Variants in ZBTB25 observed in about 807,000 individuals in gnomAD.
ZBTB25 encodes zinc finger and BTB domain containing 25.
In ZBTB25, 20 loss-of-function variants were observed where a neutral mutation model predicts 34.2. The observed-to-expected ratio is 0.58, with a 90% CI of 0.41 to 0.85. The LOEUF (loss-of-function observed/expected upper bound fraction) is 0.85, where lower values mean the gene tolerates loss of function less well. ZBTB25 is among the 40% of genes least tolerant of loss of function. The probability of loss-of-function intolerance (pLI) is 0.00; values close to 1 mark genes in which losing one functional copy is unlikely to be tolerated. For missense variants in ZBTB25, 437 were observed against 521.8 expected, an observed-to-expected ratio of 0.84 and a Z score of 1.58; for synonymous variants, 175 against 186.4, an observed-to-expected ratio of 0.94 and a Z score of 0.50.
intron 1 of ZBTB25, chr14:64,503,291 G>A (rs2079558860): frequency 4.1e-6 from 4 of 985,342 alleles, no homozygotes; most frequent in Admixed American, 6.1e-5. Context: ...CCGCTCGTAA[G>A]AGGGGTCGGC....
chr14:64,470,817 G>C (rs1458582373), intron 2 of ZBTB25: 2 of 166,906 alleles, frequency 1.2e-5, no homozygotes, highest in African/African-American at 4.8e-5. Flanking sequence ...CCAGGAGAAG[G>C]GAAAATTCCC....
intron 2 of ZBTB25, chr14:64,463,324 C>T (rs2078575445): frequency 6.6e-6 from 1 of 151,476 alleles, no homozygotes; most frequent in Admixed American, 6.6e-5. Context: ...ATTTATAGTA[C>T]TATACTCTGT....
chr14:64,495,484 T>C (rs989606912), intron 1 of ZBTB25, among the ~76,000 whole-genome samples: 2 of 152,230 alleles, frequency 1.3e-5, no homozygotes, highest in African/African-American at 2.4e-5. Context: ...TGTCCTCTTT[T>C]CTTCAAGAGA....
Position 64,487,548 on chromosome 14 carries a change from G to A in ZBTB25, c.683C>T (p.Pro228Leu). ...TTTGACACTGTTTTCAGTAAAAGTGGGGCCTGTCACCTCTGATGAGGGTGA... is the reference window on the plus strand; with the variant it reads ...TTTGACACTGTTTTCAGTAAAAGTGAGGCCTGTCACCTCTGATGAGGGTGA... Reference protein sequence around the residue: ...HPSPSSEVTGPTFTENSVKIH... With the variant: ...HPSPSSEVTGLTFTENSVKIH... The change falls in exon 3 of 3, where the codon CCC becomes CTC. Residue 228 changes from proline (P) to leucine (L), a missense_variant. Pro to Leu is a moderately conservative substitution (Grantham distance 98). Coordinates refer to ENST00000608382, the MANE Select transcript of ZBTB25 (RefSeq NM_006977.5). 6.2e-7 allele frequency: 1 copy of A among 1,610,850 alleles called. No homozygotes were observed. Among genetic ancestry groups the A allele is most frequent in the African/African-American group, 1.3e-5 (1 of 74,950 alleles).
At chr14:64,458,987 G>C (rs528827712) in intron 2 of ZBTB25, among the ~76,000 whole-genome samples, 1 of 152,116 alleles carries the variant, frequency 6.6e-6, no homozygotes, top group South Asian at 2.1e-4. Flanking sequence ...TTTCTCCAGA[G>C]ACGAAAAAAG....
rs561592876 is a variant in ZBTB25 at position 64,478,459 on chromosome 14, A to C, written c.*8464T>G. ...TTGTGGATGTACAAAAAATGAACAA[A>C]AGGCAAGAAAGGAGCAAGGGAGCGT... On this transcript the variant is annotated 3_prime_UTR_variant, in exon 3 of 3. Transcript: ENST00000608382. 2.0e-5 allele frequency: 3 copies of C among 152,356 alleles called. No individual in the cohort carries two copies. The highest frequency in any genetic ancestry group is 4.8e-5 in the African/African-American group (2 of 41,584). The allele number at this position is 152,356 out of a possible 1,614,324, so 9.4% of individuals were successfully genotyped here.
At chr14:64,476,557 G>T (rs1296245742), downstream of ZBTB25, among the ~76,000 whole-genome samples, 1 of 152,200 alleles carries the variant, frequency 6.6e-6, no homozygotes, top group Non-Finnish European at 1.5e-5. Context: ...ACCTGACCTT[G>T]TGATTCACCT....
At chr14:64,490,208 C>CAAAAAA (rs61367816) in intron 2 of ZBTB25, among the ~76,000 whole-genome samples, 153 bp downstream of exon 2, 1 of 90,930 alleles carries the variant, frequency 1.1e-5, no homozygotes. Context: ...ACTCTGTCGC[C>CAAAAAA]AAAAAAAAAA....
intron 1 of ZBTB25, 33 bp from the exon 2 acceptor site, chr14:64,490,573 TG>T (rs754194211): frequency 6.4e-7 from 1 of 1,556,922 alleles, no homozygotes; most frequent in South Asian, 1.2e-5. Flanking sequence ...TGTAGATAGG[TG>T]TGTATGTATA....
At chr14:64,488,473 T>G (rs563390265) in intron 2 of ZBTB25, among the ~76,000 whole-genome samples, 2 of 152,310 alleles carry the variant, frequency 1.3e-5, no homozygotes, top group East Asian at 3.9e-4. Flanking sequence ...ATGCCAATGT[T>G]CACTGCAACA....
At chr14:64,463,927 T>G (rs2140999427) in intron 2 of ZBTB25, among the ~76,000 whole-genome samples, 1 of 152,344 alleles carries the variant, frequency 6.6e-6, no homozygotes, top group Middle Eastern at 3.4e-3. Context: ...CATAATGGAT[T>G]TCTTTTGGCT....
At chr14:64,476,515 G>C (rs2141009817), downstream of ZBTB25, among the ~76,000 whole-genome samples, 1 of 152,212 alleles carries the variant, frequency 6.6e-6, no homozygotes, top group African/African-American at 2.4e-5. Flanking sequence ...GAAAGACGGG[G>C]TTTCACCATG....
At chr14:64,468,953 T>C (rs2078639406) in intron 2 of ZBTB25, 1 of 1,614,216 alleles carries the variant, frequency 6.2e-7, no homozygotes. Flanking sequence ...TGAAGGCATC[T>C]CACGGAAAGA....
At chr14:64,490,585 T>C (rs566208239) in intron 1 of ZBTB25, 45 bp from the exon 2 acceptor site, 39 of 1,445,306 alleles carry the variant, frequency 2.7e-5, no homozygotes, top group African/African-American at 7.1e-5. Context: ...TGTATGTATA[T>C]ACGCATTATT....
chr14:64,503,945 G>C (rs970821332), upstream of ZBTB25: 1 of 152,192 alleles, frequency 6.6e-6, no homozygotes, highest in Non-Finnish European at 1.5e-5. Flanking sequence ...TCTGAGTGCC[G>C]CCGCCACAGT....
Position 64,480,391 on chromosome 14 carries a change from C to A in ZBTB25, c.*6532G>T. On this transcript the variant is annotated 3_prime_UTR_variant, in exon 3 of 3. Coordinates refer to ENST00000608382, the MANE Select transcript of ZBTB25 (RefSeq NM_006977.5). Reference sequence around the variant, plus strand: ...CTTCTGGGAAATGACGAAATACTACCTTTCTTTCCAGAGACAGCAGTTGGA... The same window carrying A: ...CTTCTGGGAAATGACGAAATACTACATTTCTTTCCAGAGACAGCAGTTGGA... 2.6e-6 allele frequency: 1 copy of A among 388,292 alleles called. No individual in the cohort carries two copies. Among genetic ancestry groups the A allele is most frequent in the Non-Finnish European group, 4.9e-6 (1 of 202,184 alleles). 24.1% of individuals were successfully genotyped at this position (388,292 alleles called of 1,614,324 possible). A position where few individuals can be genotyped will look rare whatever the true frequency, so the allele number is the denominator to read the frequency against.
intron 2 of ZBTB25, chr14:64,468,742 T>A: frequency 6.2e-7 from 1 of 1,614,166 alleles, no homozygotes; most frequent in Non-Finnish European, 8.5e-7. Context: ...ATGCTGATCT[T>A]TCTAAGAAAA....
chr14:64,479,710 CTTCTTGAGTTTCAAGCCTGCCAGCTT>C lies in ZBTB25; in HGVS notation c.*7187_*7212del, dbSNP rs1220259180. The stretch of plus-strand genomic sequence containing the variant: ...TTGGACCCAAATGGAAACATCAGCT[CTTCTTGAGTTTCAAGCCTGCCAGCTT>C]TTGGACTGGAACTTATGCCATAAGC... On this transcript the variant is annotated 3_prime_UTR_variant, in exon 3 of 3. Transcript: ENST00000608382. 12 of 152,310 alleles carry C rather than the reference CTTCTTGAGTTTCAAGCCTGCCAGCTT, an allele frequency of 7.9e-5. No homozygotes were observed. The highest frequency in any genetic ancestry group is 2.9e-4 in the African/African-American group (12 of 41,562). 9.4% of individuals were successfully genotyped at this position (152,310 alleles called of 1,614,324 possible). A position where few individuals can be genotyped will look rare whatever the true frequency, so the allele number is the denominator to read the frequency against.
In ZBTB25 at chr14:64,485,402, C is replaced by T. The variant is rs779487657; in HGVS notation, c.*1521G>A. ...GTCTGTTTTATTATCCTTGACTATG[C>T]GGGGTTTGAAATTTAAACATTTCAG... On this transcript the variant is annotated 3_prime_UTR_variant, in exon 3 of 3. Transcript: ENST00000608382. 1.2e-4 allele frequency: 118 copies of T among 985,260 alleles called. No individual in the cohort carries two copies. The highest frequency in any genetic ancestry group is 5.8e-4 in the African/African-American group (33 of 57,228). The allele number at this position is 985,260 out of a possible 1,614,324, so 61.0% of individuals were successfully genotyped here. A position where few individuals can be genotyped will look rare whatever the true frequency, so the allele number is the denominator to read the frequency against.
Sources: allele counts gnomAD v4.1 joint callset (sites outside exome capture counted in the v4.1 genomes callset), GRCh38; gene constraint gnomAD v4.1.1; transcripts MANE v1.5; gene names NCBI Gene and HGNC (gene_info 2026-07-23, HGNC 2026-07-21).